Variants in LUZP2 observed in about 807,000 individuals in gnomAD.
LUZP2 encodes leucine zipper protein 2.
A neutral mutation model predicts 51.6 loss-of-function variants in LUZP2; 52 were observed. The observed-to-expected ratio is 1.01, with a 90% confidence interval of 0.81 to 1.27. The LOEUF (loss-of-function observed/expected upper bound fraction) is 1.27. Ranked by LOEUF, LUZP2 falls within the 50% of genes most tolerant of loss-of-function variation. The probability of loss-of-function intolerance (pLI) is 0.00; values close to 1 mark genes in which losing one functional copy is unlikely to be tolerated. For synonymous variants in LUZP2, 154 were observed against 137.3 expected, an observed-to-expected ratio of 1.12 and a Z score of -0.85; for missense variants, 436 against 395.4, an observed-to-expected ratio of 1.10 and a Z score of -0.87.
chr11:24,638,396 T>G (rs187335700), intron 1 of LUZP2, among the ~76,000 whole-genome samples: 2 of 151,776 alleles, frequency 1.3e-5, no homozygotes, highest in Admixed American at 6.6e-5. Flanking sequence ...AAAATATAGT[T>G]TTTTAAAAAA....
intron 1 of LUZP2, among the ~76,000 whole-genome samples, chr11:24,693,484 C>G (rs1444373721): frequency 6.6e-6 from 1 of 151,510 alleles, no homozygotes; most frequent in African/African-American, 2.4e-5. Flanking sequence ...AATGATTATT[C>G]CTACAAATAA....
intron 9 of LUZP2, among the ~76,000 whole-genome samples, chr11:24,997,801 G>A (rs955555440): frequency 1.8e-3 from 270 of 152,276 alleles, no homozygotes; most frequent in African/African-American, 6.0e-3. Context: ...TTTGTATAAG[G>A]TGTAAGGAAG....
intron 1 of LUZP2, among the ~76,000 whole-genome samples, chr11:24,645,728 C>T (rs1855442374): frequency 6.6e-6 from 1 of 151,818 alleles, no homozygotes; most frequent in Admixed American, 6.6e-5. Flanking sequence ...GTTTCAATTG[C>T]AGTAATATCT....
At chr11:24,597,408 G>A (rs575463889) in intron 1 of LUZP2, among the ~76,000 whole-genome samples, 10 of 152,144 alleles carry the variant, frequency 6.6e-5, no homozygotes, top group African/African-American at 2.2e-4. Context: ...TTCTCTAATC[G>A]AAACTCGTAG....
At chr11:24,568,451 T>A (rs1852320974) in intron 1 of LUZP2, among the ~76,000 whole-genome samples, 1 of 151,692 alleles carries the variant, frequency 6.6e-6, no homozygotes, top group Admixed American at 6.6e-5. Flanking sequence ...GAAGAATATT[T>A]AATAATGATA....
intron 1 of LUZP2, among the ~76,000 whole-genome samples, chr11:24,654,896 A>G (rs1291159840): frequency 1.3e-5 from 2 of 152,086 alleles, no homozygotes; most frequent in African/African-American, 4.8e-5. Context: ...TTTTCCAAAA[A>G]AATAAAGATG....
At chr11:24,691,764 A>G (rs889087575) in intron 1 of LUZP2, among the ~76,000 whole-genome samples, 1 of 151,994 alleles carries the variant, frequency 6.6e-6, no homozygotes, top group African/African-American at 2.4e-5. Flanking sequence ...AAATATTTAT[A>G]TGTGTGATGT....
intron 5 of LUZP2, among the ~76,000 whole-genome samples, chr11:24,824,981 G>C (rs1053611193): frequency 1.3e-5 from 2 of 151,914 alleles, no homozygotes; most frequent in African/African-American, 4.8e-5. Flanking sequence ...TTTATCTAGT[G>C]AAACAATGTT....
At chr11:24,787,873 G>A (rs936254668) in intron 5 of LUZP2, among the ~76,000 whole-genome samples, 8 of 152,112 alleles carry the variant, frequency 5.3e-5, no homozygotes, top group Non-Finnish European at 7.3e-5. Context: ...AAGGAATCCT[G>A]CCTCAGCATC....
chr11:24,788,138 A>C (rs1237834819), intron 5 of LUZP2, among the ~76,000 whole-genome samples: 6 of 149,548 alleles, frequency 4.0e-5, no homozygotes, highest in Non-Finnish European at 7.4e-5. Flanking sequence ...ACAGTACCTT[A>C]ATTCTTTCAC....
intron 1 of LUZP2, among the ~76,000 whole-genome samples, chr11:24,672,264 A>G (rs75470649): frequency 0.017 from 2,643 of 152,252 alleles, 43 homozygotes; most frequent in Non-Finnish European, 0.026. Context: ...ATTGACCAGT[A>G]TTGTAAAATT....
At chr11:25,003,677 A>C (rs931171775) in intron 9 of LUZP2, among the ~76,000 whole-genome samples, 6 of 152,132 alleles carry the variant, frequency 3.9e-5, no homozygotes. Flanking sequence ...GATAAGGAAA[A>C]GTGGTGGGAT....
At chr11:24,901,046 A>G (rs554749746) in intron 5 of LUZP2, among the ~76,000 whole-genome samples, 3 of 152,252 alleles carry the variant, frequency 2.0e-5, no homozygotes, top group Non-Finnish European at 4.4e-5. Context: ...GGTACTTCAT[A>G]AATTGTCTCC....
intron 7 of LUZP2, among the ~76,000 whole-genome samples, chr11:24,934,050 C>A (rs1565129526): frequency 6.6e-6 from 1 of 152,246 alleles, no homozygotes; most frequent in East Asian, 1.9e-4. Flanking sequence ...AGGGGAATAT[C>A]ACAAAGTACA....
chr11:25,028,642 A>AT (rs1485589604), intron 9 of LUZP2, among the ~76,000 whole-genome samples: 5 of 150,776 alleles, frequency 3.3e-5, no homozygotes, highest in African/African-American at 1.2e-4. Flanking sequence ...ATCGTGTACC[A>AT]TTTTTTATTT....
At chr11:24,863,504 G>A (rs1333215655) in intron 5 of LUZP2, among the ~76,000 whole-genome samples, 1 of 151,798 alleles carries the variant, frequency 6.6e-6, no homozygotes, top group East Asian at 1.9e-4. Flanking sequence ...GTAGGCAAGT[G>A]CATACAGACA....
chr11:24,900,017 T>G (rs1472576759), intron 5 of LUZP2, among the ~76,000 whole-genome samples: 1 of 152,192 alleles, frequency 6.6e-6, no homozygotes, highest in Non-Finnish European at 1.5e-5. Flanking sequence ...AACTTCACCA[T>G]CTTTGCCAAT....
intron 7 of LUZP2, among the ~76,000 whole-genome samples, chr11:24,923,560 G>C (rs1231213585): frequency 6.6e-6 from 1 of 152,066 alleles, no homozygotes; most frequent in Non-Finnish European, 1.5e-5. Context: ...AGCTGGGCTT[G>C]GTGGCGCATG....
chr11:24,851,776 T>G (rs546291958), intron 5 of LUZP2, among the ~76,000 whole-genome samples: 1 of 152,318 alleles, frequency 6.6e-6, no homozygotes, highest in East Asian at 1.9e-4. Context: ...AGGCTATTAA[T>G]TACAGCCTCA....
Sources: gnomAD v4.1 joint callset for allele counts (sites outside exome capture counted in the v4.1 genomes callset) on GRCh38, gnomAD v4.1.1 for gene constraint, MANE v1.5 for transcripts, NCBI Gene and HGNC (gene_info 2026-07-23, HGNC 2026-07-21) for gene names.